Variants in PHGDH observed in about 807,000 individuals in gnomAD.
The protein encoded by PHGDH is phosphoglycerate dehydrogenase.
In PHGDH, 50 loss-of-function variants were observed where a neutral mutation model predicts 52.6. That is an observed-to-expected ratio of 0.95 (90% CI 0.76 to 1.20). The LOEUF (loss-of-function observed/expected upper bound fraction) is 1.20. Ranked by LOEUF, PHGDH falls within the 50% of genes most tolerant of loss-of-function variation. The pLI is 0.00. For synonymous variants in PHGDH, 271 were observed against 280.5 expected (o/e 0.97, Z 0.34); for missense variants, 630 against 684.6 (o/e 0.92, Z 0.89).
At chr1:119,737,441 T>TCG (rs1460704744) in intron 8 of PHGDH, among the ~76,000 whole-genome samples, 175 bp downstream of exon 8, 1 of 152,166 alleles carries the variant, frequency 6.6e-6, no homozygotes, top group Admixed American at 6.5e-5. Flanking sequence ...GCCTCCCGTC[T>TCG]CCAGCCTTGA....
intron 3 of PHGDH, chr1:119,724,774 T>A: frequency 2.2e-6 from 1 of 456,520 alleles, no homozygotes; most frequent in South Asian, 1.5e-5. Flanking sequence ...ATACTTTCCC[T>A]CCTTTTCCAG....
intron 9 of PHGDH, 59 bp from the exon 10 acceptor site, chr1:119,741,708 G>GC (rs1652214770): frequency 1.3e-6 from 2 of 1,539,344 alleles, no homozygotes; most frequent in Non-Finnish European, 1.8e-6. Flanking sequence ...GTGGCTTCCT[G>GC]CCCCCTCCTG....
chr1:119,733,524 G>C (rs1019777113), intron 5 of PHGDH, among the ~76,000 whole-genome samples: 1 of 150,284 alleles, frequency 6.7e-6, no homozygotes, highest in Admixed American at 6.6e-5. Context: ...TTGTAGGGGG[G>C]GGGGTCTGAC....
chr1:119,733,219 C>T lies in PHGDH; in HGVS notation c.511-1415C>T, dbSNP rs1400816871. ...TGGGGCCACTTGGCTTTCCTTATTC[C>T]ACAAGGCTAATGATGAAAAAAGGGA... On this transcript the variant is annotated intron_variant, in intron 5 of 11. Transcript: ENST00000641023. Among the ~76,000 whole-genome samples the T allele has an allele frequency of 2.6e-5, 4 of 152,290 alleles. No individual in the cohort carries two copies. In the East Asian group the frequency reaches 7.7e-4, roughly 29 times the overall value.
At position 119,743,738 on chromosome 1, in the gene PHGDH, T is replaced by C. The variant is rs587754411; in HGVS notation, c.1448-148T>C. On this transcript the variant is annotated intron_variant, in intron 11 of 11. Transcript: ENST00000641023. Reference sequence around the variant, plus strand: ...GGAAGCTGAGCAGATGCCCTGTTGCTCTCCCATCTCAGCTCTTTGATTCTG... The same window carrying C: ...GGAAGCTGAGCAGATGCCCTGTTGCCCTCCCATCTCAGCTCTTTGATTCTG... The C allele has an allele frequency of 2.1e-4, 161 of 754,432 alleles. No homozygotes were observed. In the East Asian group the frequency reaches 3.5e-3, roughly 16 times the overall value. 46.7% of individuals were successfully genotyped at this position (754,432 alleles called of 1,614,324 possible).
At chr1:119,727,418 A>G (rs1351625192) in intron 5 of PHGDH, 1 of 427,122 alleles carries the variant, frequency 2.3e-6, no homozygotes, top group African/African-American at 2.0e-5. Context: ...TTTAAACAAG[A>G]GACACGGTGC....
intron 8 of PHGDH, chr1:119,739,363 CA>C (rs1652084844): frequency 6.6e-6 from 1 of 152,254 alleles, no homozygotes; most frequent in Non-Finnish European, 1.5e-5. Context: ...CTCCTCCCAG[CA>C]GCTAGCTGCT....
At chr1:119,737,610 A>C (rs1186444127) in intron 8 of PHGDH, among the ~76,000 whole-genome samples, 1 of 152,098 alleles carries the variant, frequency 6.6e-6, no homozygotes, top group Non-Finnish European at 1.5e-5. Context: ...TGCCAGCTGG[A>C]CGCAGCCGCA....
chr1:119,737,408 C>A (rs879075720), intron 8 of PHGDH, 142 bp downstream of exon 8: 1 of 735,764 alleles, frequency 1.4e-6, no homozygotes, highest in Non-Finnish European at 2.2e-6. Flanking sequence ...TGAGTCAGCA[C>A]TCTCCGGAGC....
intron 9 of PHGDH, 120 bp from the exon 10 acceptor site, chr1:119,741,647 C>T: frequency 1.1e-6 from 1 of 918,524 alleles, no homozygotes; most frequent in Non-Finnish European, 1.8e-6. Flanking sequence ...AGCAAGCTGC[C>T]TTTGGGGTCC....
chr1:119,734,435 A>G lies in PHGDH; in HGVS notation c.511-199A>G, dbSNP rs77434916. ...GTCATGAGAATTAATTAAGCTGATC[A>G]TGGTACTTAGTATATGGTAAATAGT... On this transcript the variant is annotated intron_variant, in intron 5 of 11. Transcript: ENST00000641023. 1,268 of 626,368 alleles carry G rather than the reference A, an allele frequency of 2.0e-3. 17 individuals carry two copies. The African/African-American group carries it at 0.021, about 10-fold the overall frequency. 38.8% of individuals were successfully genotyped at this position (626,368 alleles called of 1,614,324 possible).
At chr1:119,725,494 G>A (rs760163267) in intron 3 of PHGDH, among the ~76,000 whole-genome samples, 5 of 152,210 alleles carry the variant, frequency 3.3e-5, no homozygotes, top group Non-Finnish European at 7.3e-5. Flanking sequence ...CTCAAGGCAA[G>A]TCCCTGTCCT....
At chr1:119,714,695 C>T (rs1388213005) in intron 1 of PHGDH, among the ~76,000 whole-genome samples, 1 of 152,160 alleles carries the variant, frequency 6.6e-6, no homozygotes, top group African/African-American at 2.4e-5. Context: ...ATGGCAAAAC[C>T]CTGTCTCTAC....
chr1:119,727,242 A>G, intron 5 of PHGDH, 140 bp downstream of exon 5: 1 of 699,774 alleles, frequency 1.4e-6, no homozygotes, highest in South Asian at 1.5e-5. Flanking sequence ...TAAGTGTTAA[A>G]GTCAAGGAGG....
chr1:119,724,579 C>T (rs149483193), intron 3 of PHGDH: 100 of 367,434 alleles, frequency 2.7e-4, no homozygotes, highest in African/African-American at 2.0e-3. Context: ...TCTCCCAGAA[C>T]ATCTAGGCTG....
intron 11 of PHGDH, 40 bp downstream of exon 11, chr1:119,743,084 C>T (rs770985832): frequency 1.5e-6 from 2 of 1,331,814 alleles, no homozygotes; most frequent in South Asian, 2.3e-5. Flanking sequence ...GTCCTTGAGG[C>T]TGGGGTGGGG....
intron 5 of PHGDH, among the ~76,000 whole-genome samples, chr1:119,730,603 T>C (rs1651650311): frequency 6.6e-6 from 1 of 152,218 alleles, no homozygotes; most frequent in Admixed American, 6.5e-5. Flanking sequence ...AACAACTAAA[T>C]CTAGCATATT....
In PHGDH at chr1:119,735,308, C is replaced by G. The variant is rs1651881435; in HGVS notation, c.657C>G (p.Asp219Glu). The G allele has an allele frequency of 1.2e-6, 2 of 1,614,104 alleles. No homozygotes were observed. The highest frequency in any genetic ancestry group is 1.7e-6 in the Non-Finnish European group (2 of 1,180,054). ...GCTTTCTTCCAGGCTTGCTGAATGA[C>G]AACACCTTTGCCCAGTGCAAGAAGG... ...LLPSTTGLLN[D>E]NTFAQCKKGV... Residue 219 changes from aspartate to glutamate, a missense_variant, in exon 7 of 12, where the codon GAC becomes GAG. By Grantham distance (45) the Asp-to-Glu change is conservative. Transcript: ENST00000641023.
chr1:119,721,355 AG>A (rs758447458), intron 2 of PHGDH, 34 bp downstream of exon 2: 52 of 1,607,442 alleles, frequency 3.2e-5, no homozygotes, highest in Non-Finnish European at 4.2e-5. Context: ...GTTTGGGGGT[AG>A]GGGGGTGAGT....
Sources: gnomAD v4.1 joint callset for allele counts (sites outside exome capture counted in the v4.1 genomes callset) on GRCh38, gnomAD v4.1.1 for gene constraint, MANE v1.5 for transcripts, NCBI Gene and HGNC (gene_info 2026-07-23, HGNC 2026-07-21) for gene names.